The following KLRG1 variants were observed in gnomAD, a reference collection of about 807,000 sequenced individuals.
KLRG1 encodes killer cell lectin-like receptor subfamily G member 1.
In KLRG1, 16 loss-of-function variants were observed where a neutral mutation model predicts 21.8. The observed-to-expected ratio is 0.73, with a 90% CI of 0.50 to 1.11. KLRG1 has a LOEUF of 1.11. KLRG1 is among the 50% of genes most tolerant of loss of function. The pLI, the probability that KLRG1 is intolerant of heterozygous loss-of-function variation, is 0.00. For missense variants in KLRG1, 173 were observed against 218.3 expected, an observed-to-expected ratio of 0.79 and a Z score of 1.31; for synonymous variants, 69 against 75.9, an observed-to-expected ratio of 0.91 and a Z score of 0.47.
rs925313100 is a variant in KLRG1, at chr12:8,992,248, C to G, written c.125C>G (p.Ala42Gly). The change falls in exon 2 of 5, where the codon GCT becomes GGT. Residue 42 changes from alanine (A) to glycine (G), a missense_variant. By Grantham distance (60) the Ala-to-Gly change is moderately conservative. Around this residue, in one of 3 missense-constraint regions of KLRG1, gnomAD observed 144 missense variants for 161.5 expected, o/e 0.89. Transcript: ENST00000356986. ...RPSCSCLVAI[A>G]LGLLTAVLLS... The stretch of plus-strand genomic sequence containing the variant: ...TCTTGTTCTTGCCTTGTGGCAATAG[C>G]TTTGGGGCTTCTGACTGCAGTTCTT... 3 of 1,613,854 alleles carry G rather than the reference C, an allele frequency of 1.9e-6. No individual in the cohort carries two copies. The African/African-American group carries it at 4.0e-5, about 22-fold the overall frequency.
chr12:9,168,236 CT>C, the KLRG1 span, among the ~76,000 whole-genome samples: 1 of 152,202 alleles, frequency 6.6e-6, no homozygotes, highest in African/African-American at 2.4e-5. Context: ...GACACACCCA[CT>C]TCACATATAG....
the KLRG1 span, among the ~76,000 whole-genome samples, chr12:9,185,113 A>G: frequency 1.3e-5 from 2 of 152,234 alleles, no homozygotes; most frequent in African/African-American, 4.8e-5. Flanking sequence ...AATTCAGACT[A>G]TGGATAGGAA....
chr12:9,198,282 T>G, the KLRG1 span, among the ~76,000 whole-genome samples: 1 of 151,772 alleles, frequency 6.6e-6, no homozygotes, highest in Admixed American at 6.6e-5. Context: ...AGCCCAGGAG[T>G]TTGAGGCTAC....
the KLRG1 span, chr12:9,099,363 A>G: frequency 6.4e-7 from 1 of 1,551,030 alleles, no homozygotes; most frequent in South Asian, 1.2e-5. Context: ...TGAAGATTTT[A>G]TGATCTAAAA....
At chr12:9,036,106 T>C in the KLRG1 span, among the ~76,000 whole-genome samples, 1 of 152,196 alleles carries the variant, frequency 6.6e-6, no homozygotes, top group Non-Finnish European at 1.5e-5. Flanking sequence ...AATTTACCCA[T>C]GTAACAAACC....
At chr12:9,164,730 C>T in the KLRG1 span, among the ~76,000 whole-genome samples, 1 of 152,162 alleles carries the variant, frequency 6.6e-6, no homozygotes, top group African/African-American at 2.4e-5. Flanking sequence ...ACCACTATTA[C>T]ATAATTTACA....
At chr12:9,092,439 G>A in the KLRG1 span, among the ~76,000 whole-genome samples, 3 of 151,954 alleles carry the variant, frequency 2.0e-5, no homozygotes, top group Non-Finnish European at 4.4e-5. Context: ...TCAATACAGA[G>A]AGAACAGGCA....
At chr12:8,983,472 C>T (rs1357603261) in intron 1 of KLRG1, among the ~76,000 whole-genome samples, 2 of 143,232 alleles carry the variant, frequency 1.4e-5, no homozygotes, top group African/African-American at 2.7e-5. Flanking sequence ...GCAATCTCAG[C>T]TCACTGCAAC....
chr12:9,206,942 A>G, the KLRG1 span, among the ~76,000 whole-genome samples: 3 of 152,138 alleles, frequency 2.0e-5, no homozygotes, highest in African/African-American at 7.2e-5. Context: ...GCCTCCACAT[A>G]TTCCCATATG....
At chr12:9,115,569 G>A in the KLRG1 span, 3 of 530,138 alleles carry the variant, frequency 5.7e-6, no homozygotes, top group Non-Finnish European at 1.0e-5. Flanking sequence ...TTGCATATTA[G>A]AGCTTCAGAG....
chr12:9,022,611 G>C, the KLRG1 span, among the ~76,000 whole-genome samples: 2 of 152,026 alleles, frequency 1.3e-5, no homozygotes, highest in East Asian at 1.9e-4. Context: ...TAAGACCAAG[G>C]CATGATCAGA....
At chr12:9,106,244 A>T in the KLRG1 span, 2 of 1,607,176 alleles carry the variant, frequency 1.2e-6, no homozygotes, top group Non-Finnish European at 1.7e-6. Context: ...ACCTGCCCAA[A>T]GAAGGGAATT....
intron 3 of KLRG1, among the ~76,000 whole-genome samples, chr12:9,001,718 G>A (rs1947313857): frequency 6.6e-6 from 1 of 152,038 alleles, no homozygotes; most frequent in South Asian, 2.1e-4. Flanking sequence ...TTTATTCTAT[G>A]GTATCCCAAC....
chr12:9,113,127 G>A, the KLRG1 span, among the ~76,000 whole-genome samples: 1 of 147,002 alleles, frequency 6.8e-6, no homozygotes, highest in African/African-American at 2.5e-5. Flanking sequence ...TTCCTTTCTG[G>A]CTAATAGGGT....
chr12:9,140,075 G>A, the KLRG1 span, among the ~76,000 whole-genome samples: 5 of 152,280 alleles, frequency 3.3e-5, no homozygotes, highest in African/African-American at 9.6e-5. Flanking sequence ...GTTTATTTTC[G>A]TGTTGGAATG....
chr12:9,212,766 T>C, the KLRG1 span, among the ~76,000 whole-genome samples: 1 of 152,032 alleles, frequency 6.6e-6, no homozygotes, highest in Admixed American at 6.6e-5. Context: ...ATTTTTTCCA[T>C]AGTTGGCTAT....
chr12:9,072,692 G>C, the KLRG1 span: 10 of 1,614,144 alleles, frequency 6.2e-6, no homozygotes, highest in Non-Finnish European at 5.9e-6. Context: ...CTTTCATGCT[G>C]TATTCCCCAG....
chr12:9,066,138 C>T, the KLRG1 span: 1 of 152,622 alleles, frequency 6.6e-6, no homozygotes, highest in East Asian at 1.9e-4. Context: ...TCATTCTCCA[C>T]TTGTCTGCTT....
the KLRG1 span, chr12:9,203,717 C>T: frequency 6.3e-7 from 1 of 1,596,422 alleles, no homozygotes; most frequent in Non-Finnish European, 8.6e-7. Context: ...ACCTATAGAG[C>T]TCAATAAAAT....
Sources: allele counts gnomAD v4.1 joint callset (sites outside exome capture counted in the v4.1 genomes callset), GRCh38; gene constraint gnomAD v4.1.1; regional missense constraint gnomAD v4.1.1; transcripts MANE v1.5; gene names NCBI Gene and HGNC (gene_info 2026-07-23, HGNC 2026-07-21).